TECRL: variants seen among roughly 807,000 people sequenced by gnomAD.
The protein encoded by TECRL is trans-2,3-enoyl-CoA reductase-like.
TECRL carries 63 observed loss-of-function variants against 52.8 expected under a neutral mutation model. The ratio of observed to expected loss-of-function variants is 1.19; its 90% CI spans 0.97 to 1.47. The LOEUF (loss-of-function observed/expected upper bound fraction) is 1.47. TECRL is among the 40% of genes most tolerant of loss of function. The pLI, the probability that TECRL is intolerant of heterozygous loss-of-function variation, is 0.00. For synonymous variants in TECRL, 164 were observed against 141.9 expected (o/e 1.16, Z -1.10); for missense variants, 482 against 429.6 (o/e 1.12, Z -1.08).
At chr4:64,312,001 G>A (rs1196667083) in intron 5 of TECRL, among the ~76,000 whole-genome samples, 2 of 152,164 alleles carry the variant, frequency 1.3e-5, no homozygotes, top group Non-Finnish European at 2.9e-5. Context: ...AAATGTTCAG[G>A]TAACAGGTTC....
chr4:64,337,352 T>A (rs1429362625), intron 2 of TECRL, among the ~76,000 whole-genome samples: 1 of 152,160 alleles, frequency 6.6e-6, no homozygotes, highest in South Asian at 2.1e-4. Context: ...AAGCATTCCC[T>A]TTGAAAACTG....
intron 6 of TECRL, among the ~76,000 whole-genome samples, chr4:64,308,074 G>A (rs746161396): frequency 3.9e-5 from 6 of 152,064 alleles, no homozygotes; most frequent in Non-Finnish European, 5.9e-5. Flanking sequence ...TTATCTCCCC[G>A]TTCCACCTAA....
At chr4:64,352,807 C>G (rs1223282403) in intron 2 of TECRL, among the ~76,000 whole-genome samples, 1 of 152,198 alleles carries the variant, frequency 6.6e-6, no homozygotes, top group African/African-American at 2.4e-5. Flanking sequence ...GTCTTCGATG[C>G]TCATTATTTA....
At chr4:64,300,841 T>C (rs1367609407) in intron 7 of TECRL, among the ~76,000 whole-genome samples, 1 of 151,052 alleles carries the variant, frequency 6.6e-6, no homozygotes, top group Non-Finnish European at 1.5e-5. Context: ...ATAACGGTAA[T>C]TGAATCTTCA....
chr4:64,301,059 A>AAT (rs1229887955), intron 7 of TECRL, among the ~76,000 whole-genome samples: 8 of 150,938 alleles, frequency 5.3e-5, no homozygotes, highest in South Asian at 2.1e-4. Flanking sequence ...ATATTCATAG[A>AAT]ATATATATAT....
chr4:64,375,856 C>T (rs1722361875), intron 1 of TECRL, among the ~76,000 whole-genome samples: 1 of 151,768 alleles, frequency 6.6e-6, no homozygotes, highest in African/African-American at 2.4e-5. Context: ...TTTTATTCAT[C>T]TAAATTTAAA....
intron 6 of TECRL, among the ~76,000 whole-genome samples, chr4:64,305,856 A>G (rs1724305525): frequency 6.6e-6 from 1 of 152,148 alleles, no homozygotes; most frequent in Non-Finnish European, 1.5e-5. Flanking sequence ...TCTTTGCCAC[A>G]TAAAAGACTG....
intron 2 of TECRL, among the ~76,000 whole-genome samples, chr4:64,332,436 G>A (rs7655079): frequency 0.01 from 1,576 of 152,198 alleles, 19 homozygotes; most frequent in African/African-American, 0.031. Context: ...GAAGGAGATC[G>A]CTTCTTTATT....
intron 2 of TECRL, among the ~76,000 whole-genome samples, chr4:64,330,547 A>G (rs1169992162): frequency 6.6e-6 from 1 of 152,124 alleles, no homozygotes; most frequent in African/African-American, 2.4e-5. Flanking sequence ...TCACACCTGT[A>G]ATCACAACAC....
At chr4:64,313,904 C>A (rs1337264872) in intron 5 of TECRL, among the ~76,000 whole-genome samples, 2 of 143,636 alleles carry the variant, frequency 1.4e-5, no homozygotes, top group East Asian at 4.2e-4. Context: ...GAAGCCGAGG[C>A]GGGCGGATCA....
Position 64,314,043 on chromosome 4 carries a change from G to C in TECRL, c.551+605C>G, listed in dbSNP as rs1333653405. On this transcript the variant is annotated intron_variant, in intron 5 of 11. Coordinates refer to ENST00000381210, the MANE Select transcript of TECRL (RefSeq NM_001010874.5). ...CAAGCACCTGTAGTCCCAGCTACTC[G>C]GGAGGCTGAGGCAGGAGAATAGTGT... 3.3e-5 allele frequency among the ~76,000 whole-genome samples: 5 copies of C among 150,110 alleles called. 1 individual carries two copies. Among genetic ancestry groups the C allele is most frequent in the African/African-American group, 1.2e-4 (5 of 40,988 alleles).
intron 2 of TECRL, among the ~76,000 whole-genome samples, chr4:64,333,070 CAT>C (rs1446550057): frequency 2.0e-5 from 3 of 151,498 alleles, no homozygotes; most frequent in Non-Finnish European, 2.9e-5. Context: ...TAATTAAAGA[CAT>C]ATGATGACAA....
chr4:64,290,584 A>G (rs1723325570), intron 8 of TECRL, among the ~76,000 whole-genome samples: 1 of 152,140 alleles, frequency 6.6e-6, no homozygotes. Context: ...AATGTTATTA[A>G]TCTCATAAAA....
At position 64,314,763 on chromosome 4, in the gene TECRL, C is replaced by A. The variant is rs569832833; in HGVS notation, c.436G>T (p.Val146Leu). ...DLGQQVSWTT[V>L]FLAEYTGPLL... is the part of the protein sequence containing the mutation. ...GGTCCTGTGTATTCAGCCAAAAACA[C>A]CTGAAAATAAAACATGATTTAGATT... Residue 146 changes from valine to leucine, a missense_variant and splice_region_variant, in exon 5 of 12, where the codon GTG becomes TTG. Physicochemically the swap from Val to Leu is conservative, Grantham distance 32 (BLOSUM62 1). Transcript: ENST00000381210. 2 of 1,590,048 alleles carry A rather than the reference C, an allele frequency of 1.3e-6. No individual in the cohort carries two copies. Among genetic ancestry groups the A allele is most frequent in the South Asian group, 1.1e-5 (1 of 90,594 alleles).
intron 1 of TECRL, among the ~76,000 whole-genome samples, chr4:64,384,743 T>C: frequency 6.6e-6 from 1 of 152,112 alleles, no homozygotes; most frequent in East Asian, 1.9e-4. Flanking sequence ...TCCATACCCC[T>C]GGACATTGTA....
At chr4:64,281,922 C>T (rs1325285598) in intron 9 of TECRL, among the ~76,000 whole-genome samples, 1 of 151,734 alleles carries the variant, frequency 6.6e-6, no homozygotes, top group African/African-American at 2.4e-5. Flanking sequence ...AACATTTGCC[C>T]ACCTCTTCAC....
intron 1 of TECRL, among the ~76,000 whole-genome samples, chr4:64,383,149 A>G (rs898843592): frequency 6.6e-6 from 1 of 152,108 alleles, no homozygotes; most frequent in Non-Finnish European, 1.5e-5. Flanking sequence ...TTTGATGAAG[A>G]TTCCTTTATA....
chr4:64,360,076 C>T (rs1006526231), intron 2 of TECRL, among the ~76,000 whole-genome samples: 8 of 152,064 alleles, frequency 5.3e-5, no homozygotes, highest in African/African-American at 7.2e-5. Context: ...AACGAGAAAT[C>T]GTAAGTAACC....
At chr4:64,352,527 A>C (rs1402706798) in intron 2 of TECRL, among the ~76,000 whole-genome samples, 1 of 152,232 alleles carries the variant, frequency 6.6e-6, no homozygotes, top group Non-Finnish European at 1.5e-5. Context: ...TTTTTCACCA[A>C]GTAAGAACAG....
Sources: gnomAD v4.1 joint callset for allele counts (sites outside exome capture counted in the v4.1 genomes callset) on GRCh38, gnomAD v4.1.1 for gene constraint, MANE v1.5 for transcripts, NCBI Gene and HGNC (gene_info 2026-07-23, HGNC 2026-07-21) for gene names.